The following TAAR5 variants were observed in gnomAD, a reference collection of about 807,000 sequenced individuals.
TAAR5 encodes trace amine associated receptor 5.
Under a neutral mutation model 21.1 loss-of-function variants are expected in TAAR5, and 27 were observed. That is an observed-to-expected ratio of 1.28 (90% CI 0.94 to 1.76). TAAR5 has a LOEUF of 1.76. Ranked by LOEUF, TAAR5 falls within the 40% of genes most tolerant of loss-of-function variation. The probability of loss-of-function intolerance (pLI) is 0.00; values close to 1 mark genes in which losing one functional copy is unlikely to be tolerated. For synonymous variants in TAAR5, 203 were observed against 167.5 expected (o/e 1.21, Z -1.64); for missense variants, 495 against 405.6 (o/e 1.22, Z -1.89).
upstream of TAAR5, among the ~76,000 whole-genome samples, chr6:132,590,608 C>T (rs959744045): frequency 5.3e-5 from 8 of 152,268 alleles, no homozygotes; most frequent in South Asian, 2.1e-4. Flanking sequence ...AATTAGTTAA[C>T]GATTTTATAC....
the TAAR5 span, among the ~76,000 whole-genome samples, chr6:132,609,567 G>A: frequency 6.6e-6 from 1 of 152,006 alleles, no homozygotes; most frequent in East Asian, 1.9e-4. Context: ...ATCCAACATA[G>A]GTTTATCTAT....
At chr6:132,608,651 CA>C in the TAAR5 span, 3 of 455,816 alleles carry the variant, frequency 6.6e-6, no homozygotes, top group African/African-American at 6.0e-5. Context: ...ATGATGGAGC[CA>C]GGGGTAAAGA....
chr6:132,598,206 C>T, the TAAR5 span, among the ~76,000 whole-genome samples: 1 of 152,018 alleles, frequency 6.6e-6, no homozygotes, highest in South Asian at 2.1e-4. Flanking sequence ...ACAATAGTGG[C>T]ATAGGTAAGG....
the TAAR5 span, among the ~76,000 whole-genome samples, chr6:132,600,267 T>C: frequency 1.7e-5 from 2 of 119,790 alleles, no homozygotes; most frequent in Non-Finnish European, 3.4e-5. Context: ...TCATTATTGT[T>C]TACAGTTTGA....
Position 132,589,214 on chromosome 6 carries a change from C to T in TAAR5, c.473G>A (p.Gly158Glu), listed in dbSNP as rs1388646696. 3 of 1,605,608 alleles carry T rather than the reference C, an allele frequency of 1.9e-6. No individual in the cohort carries two copies. The highest frequency in any genetic ancestry group is 3.4e-5 in the Admixed American group (2 of 59,620). Reference protein sequence around the residue: ...VRVALRYILAGWGVPAAYTSL... With the variant: ...VRVALRYILAEWGVPAAYTSL... ...AGTGTATGCTGCGGGCACCCCCCATCCTGCCAGGATGTACCTGAGAGCCAC... is the reference window on the plus strand; with the variant it reads ...AGTGTATGCTGCGGGCACCCCCCATTCTGCCAGGATGTACCTGAGAGCCAC... Residue 158 changes from glycine to glutamate, a missense_variant, in exon 1 of 1, where the codon GGA (glycine) becomes GAA (glutamate). Transcript: ENST00000258034.
chr6:132,616,546 G>A, the TAAR5 span, among the ~76,000 whole-genome samples: 4 of 152,116 alleles, frequency 2.6e-5, no homozygotes, highest in African/African-American at 4.8e-5. Flanking sequence ...GGAGTCTGTC[G>A]CCCCAGTTAC....
In TAAR5 at chr6:132,588,674, C is replaced by T. The variant is rs781216944; in HGVS notation, c.1013G>A (p.Ter338=). ...QTRTVDLYQE[*] ...CTTGCCTGCATTTAGTAGAAGGAAT[C>T]ATTCTTGGTACAAATCAACAGTGCG... The change falls in exon 1 of 1, where the codon TGA becomes TAA. Residue 338 remains the stop codon, a stop_retained_variant. Coordinates refer to ENST00000258034, the MANE Select transcript of TAAR5 (RefSeq NM_003967.3). The T allele has an allele frequency of 6.2e-7, 1 of 1,606,502 alleles. No individual in the cohort carries two copies. The highest frequency in any genetic ancestry group is 8.5e-7 in the Non-Finnish European group (1 of 1,175,218).
chr6:132,592,950 C>A (rs1310902355), upstream of TAAR5, among the ~76,000 whole-genome samples: 2 of 152,222 alleles, frequency 1.3e-5, no homozygotes, highest in East Asian at 1.9e-4. Context: ...AGAACAGTAG[C>A]TACCCAGGGG....
the TAAR5 span, among the ~76,000 whole-genome samples, chr6:132,598,321 A>G: frequency 6.6e-6 from 1 of 152,198 alleles, no homozygotes; most frequent in Admixed American, 6.5e-5. Flanking sequence ...ATTTATTTTT[A>G]TGGGTCAGTA....
chr6:132,594,088 G>A (rs1460148767), upstream of TAAR5, among the ~76,000 whole-genome samples: 5 of 152,206 alleles, frequency 3.3e-5, no homozygotes, highest in East Asian at 7.7e-4. Flanking sequence ...GTTAAAGTAA[G>A]AAAATCTCTA....
Position 132,588,800 on chromosome 6 carries a change from A to T in TAAR5, c.887T>A (p.Phe296Tyr), listed in dbSNP as rs1776852138. Residue 296 changes from phenylalanine to tyrosine, a missense_variant, in exon 1 of 1, where the codon TTC becomes TAC. Phe to Tyr is a conservative substitution (Grantham distance 22, BLOSUM62 3). Coordinates refer to ENST00000258034, the MANE Select transcript of TAAR5 (RefSeq NM_003967.3). The stretch of plus-strand genomic sequence containing the variant: ...GATGATGGGGTTGCAGGCTGAGTTG[A>T]AGTAAGCAAACCAGATAAAGATGTC... ...VFDIFIWFAY[F>Y]NSACNPIIYV... The T allele has an allele frequency of 1.2e-6, 2 of 1,614,006 alleles. No homozygotes were observed. Among genetic ancestry groups the T allele is most frequent in the Non-Finnish European group, 1.7e-6 (2 of 1,180,010 alleles).
the TAAR5 span, among the ~76,000 whole-genome samples, chr6:132,606,555 T>G: frequency 6.6e-6 from 1 of 152,190 alleles, no homozygotes; most frequent in Admixed American, 6.5e-5. Flanking sequence ...AGATCAGCCT[T>G]TAGACTGGAT....
the TAAR5 span, among the ~76,000 whole-genome samples, chr6:132,610,643 A>T: frequency 2.5e-4 from 38 of 152,316 alleles, 2 homozygotes; most frequent in East Asian, 7.3e-3. Context: ...GACACTTCTT[A>T]TTACCAAGTC....
At chr6:132,611,729 T>A in the TAAR5 span, among the ~76,000 whole-genome samples, 2 of 152,144 alleles carry the variant, frequency 1.3e-5, no homozygotes, top group Admixed American at 6.6e-5. Context: ...AAAAGAATGA[T>A]CTGGTCTTCT....
chr6:132,608,049 C>A, the TAAR5 span, among the ~76,000 whole-genome samples: 1 of 152,150 alleles, frequency 6.6e-6, no homozygotes, highest in Admixed American at 6.6e-5. Flanking sequence ...TAACAATTAA[C>A]AAATAATTGA....
At chr6:132,605,712 G>A in the TAAR5 span, among the ~76,000 whole-genome samples, 1 of 152,120 alleles carries the variant, frequency 6.6e-6, no homozygotes, top group Non-Finnish European at 1.5e-5. Flanking sequence ...CCAAACCTCA[G>A]CATCACACAA....
the TAAR5 span, among the ~76,000 whole-genome samples, chr6:132,598,494 C>T: frequency 2.0e-5 from 3 of 152,138 alleles, no homozygotes; most frequent in East Asian, 1.9e-4. Context: ...TGTTACACTA[C>T]GGTTTCTTAC....
the TAAR5 span, among the ~76,000 whole-genome samples, chr6:132,606,350 A>G: frequency 6.6e-6 from 1 of 152,198 alleles, no homozygotes; most frequent in Admixed American, 6.5e-5. Context: ...AGAAGCCACA[A>G]GTAGAAGGAC....
the TAAR5 span, among the ~76,000 whole-genome samples, chr6:132,601,144 G>A: frequency 6.9e-6 from 1 of 145,862 alleles, no homozygotes. Flanking sequence ...AAGGAAGGAA[G>A]GAGGGAAGGA....
Sources: gnomAD v4.1 joint callset for allele counts (sites outside exome capture counted in the v4.1 genomes callset) on GRCh38, gnomAD v4.1.1 for gene constraint, MANE v1.5 for transcripts, NCBI Gene and HGNC (gene_info 2026-07-23, HGNC 2026-07-21) for gene names.